Variants in RPS6KC1 observed in about 807,000 individuals in gnomAD.
RPS6KC1 encodes ribosomal protein S6 kinase C1.
In RPS6KC1, 54 loss-of-function variants were observed where a neutral mutation model predicts 103.8. The observed-to-expected ratio is 0.52, with a 90% confidence interval of 0.42 to 0.65. The LOEUF is 0.65. Ranked by LOEUF, RPS6KC1 falls within the 30% of genes least tolerant of loss-of-function variation. The probability of loss-of-function intolerance (pLI) is 0.00; values close to 1 mark genes in which losing one functional copy is unlikely to be tolerated. For missense variants in RPS6KC1, 1,151 were observed against 1,253.8 expected, an observed-to-expected ratio of 0.92 and a Z score of 1.24; for synonymous variants, 439 against 438.7, an observed-to-expected ratio of 1.00 and a Z score of -0.01.
At chr1:213,631,814 C>T in the RPS6KC1 span, among the ~76,000 whole-genome samples, 13 of 151,874 alleles carry the variant, frequency 8.6e-5, no homozygotes, top group African/African-American at 3.1e-4. Context: ...GTTTTTTGCC[C>T]TACAAAACTA....
chr1:213,751,994 G>A, the RPS6KC1 span, among the ~76,000 whole-genome samples: 1 of 152,148 alleles, frequency 6.6e-6, no homozygotes, highest in African/African-American at 2.4e-5. Flanking sequence ...TCTTAGAACA[G>A]CAGTTTTATG....
chr1:213,658,999 C>T, the RPS6KC1 span, among the ~76,000 whole-genome samples: 1 of 151,844 alleles, frequency 6.6e-6, no homozygotes, highest in Non-Finnish European at 1.5e-5. Context: ...GAGTCTCCCT[C>T]TGTCACCCAG....
the RPS6KC1 span, among the ~76,000 whole-genome samples, chr1:213,583,846 GAAA>G: frequency 8.7e-5 from 12 of 137,990 alleles, no homozygotes; most frequent in South Asian, 2.3e-4. Context: ...AAAGAAAAAA[GAAA>G]AAAAAAGAAA....
At chr1:213,586,858 G>T in the RPS6KC1 span, among the ~76,000 whole-genome samples, 1 of 152,154 alleles carries the variant, frequency 6.6e-6, no homozygotes, top group Admixed American at 6.5e-5. Flanking sequence ...TGGCCTTATT[G>T]ACCCACTTCA....
At chr1:213,637,604 A>G in the RPS6KC1 span, among the ~76,000 whole-genome samples, 1 of 152,110 alleles carries the variant, frequency 6.6e-6, no homozygotes, top group African/African-American at 2.4e-5. Context: ...GTAGAGCAGG[A>G]TTACTGGTTG....
the RPS6KC1 span, among the ~76,000 whole-genome samples, chr1:213,733,730 A>T: frequency 6.6e-6 from 1 of 152,292 alleles, no homozygotes; most frequent in East Asian, 1.9e-4. Flanking sequence ...GTTAAAATCC[A>T]TTCATTGAAG....
the RPS6KC1 span, among the ~76,000 whole-genome samples, chr1:213,658,660 A>G: frequency 6.6e-6 from 1 of 152,240 alleles, no homozygotes; most frequent in Admixed American, 6.5e-5. Flanking sequence ...CAGGTTCTGG[A>G]GCAATAAAAT....
the RPS6KC1 span, among the ~76,000 whole-genome samples, chr1:213,837,131 C>G: frequency 6.6e-6 from 1 of 152,172 alleles, no homozygotes. Context: ...CTGTGGTTAG[C>G]TTTTCCCTTC....
chr1:213,217,686 G>T (rs1002642010), intron 8 of RPS6KC1, among the ~76,000 whole-genome samples: 1 of 152,178 alleles, frequency 6.6e-6, no homozygotes, highest in Non-Finnish European at 1.5e-5. Flanking sequence ...GATCAAGTGG[G>T]CTTCATCCCT....
the RPS6KC1 span, among the ~76,000 whole-genome samples, chr1:213,671,900 C>T: frequency 1.3e-5 from 2 of 151,972 alleles, no homozygotes; most frequent in African/African-American, 4.8e-5. Context: ...ATTGAAACAT[C>T]ACCTGTGCCC....
chr1:213,630,614 G>A, the RPS6KC1 span, among the ~76,000 whole-genome samples: 37 of 152,274 alleles, frequency 2.4e-4, 2 homozygotes, highest in Middle Eastern at 0.02. Flanking sequence ...TTGTTCCATC[G>A]CTGGTGAGGA....
At position 213,230,639 on chromosome 1, in the gene RPS6KC1, A is replaced by G. The variant is rs1436188385; in HGVS notation, c.1092+95A>G. On this transcript the variant is annotated intron_variant, in intron 9 of 14. Coordinates refer to ENST00000366960, the MANE Select transcript of RPS6KC1 (RefSeq NM_012424.6). The stretch of plus-strand genomic sequence containing the variant: ...CACCTAAGGTCAGGAGTTCGAGACT[A>G]TCCTGGCCAACATGGTGAAACCCCG... 5.2e-6 allele frequency: 4 copies of G among 769,992 alleles called. No individual in the cohort carries two copies. The East Asian group carries it at 1.2e-4, about 22-fold the overall frequency. 47.7% of individuals were successfully genotyped at this position (769,992 alleles called of 1,614,324 possible). A position where few individuals can be genotyped will look rare whatever the true frequency, so the allele number is the denominator to read the frequency against.
intron 1 of RPS6KC1, among the ~76,000 whole-genome samples, chr1:213,068,031 T>C (rs2078485800): frequency 6.6e-6 from 1 of 152,188 alleles, no homozygotes. Flanking sequence ...TCTGAATATA[T>C]TTATAAATTC....
At chr1:213,252,440 A>G (rs9429902) in intron 12 of RPS6KC1, among the ~76,000 whole-genome samples, 41,021 of 152,128 alleles carry the variant, frequency 0.27, 6,369 homozygotes, top group East Asian at 0.4. Context: ...TAAATTCTTG[A>G]CCAATTGTAA....
At chr1:213,482,333 C>T in the RPS6KC1 span, among the ~76,000 whole-genome samples, 88 of 151,956 alleles carry the variant, frequency 5.8e-4, no homozygotes, top group African/African-American at 2.0e-3. Context: ...TCTGCCTTTA[C>T]AGTCATTTTT....
At chr1:213,533,300 C>T in the RPS6KC1 span, among the ~76,000 whole-genome samples, 3 of 152,026 alleles carry the variant, frequency 2.0e-5, no homozygotes, top group African/African-American at 7.3e-5. Context: ...GAGGGAGGAG[C>T]AAAAGAAGAC....
At chr1:213,778,298 C>T in the RPS6KC1 span, among the ~76,000 whole-genome samples, 1 of 152,160 alleles carries the variant, frequency 6.6e-6, no homozygotes, top group Non-Finnish European at 1.5e-5. Context: ...AGGTGGTATG[C>T]AGATTTTCCT....
chr1:213,208,986 A>T (rs2093429192), intron 8 of RPS6KC1, among the ~76,000 whole-genome samples: 1 of 151,994 alleles, frequency 6.6e-6, no homozygotes, highest in South Asian at 2.1e-4. Flanking sequence ...AAGCCTATAA[A>T]GTTCTTTGTG....
chr1:213,822,086 T>A, the RPS6KC1 span: 2 of 152,220 alleles, frequency 1.3e-5, no homozygotes, highest in Admixed American at 6.5e-5. Context: ...TTTCTCGTGA[T>A]CAGGAAGTGT....
Sources: allele counts gnomAD v4.1 joint callset (sites outside exome capture counted in the v4.1 genomes callset), GRCh38; gene constraint gnomAD v4.1.1; transcripts MANE v1.5; gene names NCBI Gene and HGNC (gene_info 2026-07-23, HGNC 2026-07-21).